The following PSD3 variants were observed in gnomAD, a reference collection of about 807,000 sequenced individuals.
PSD3 encodes the protein pleckstrin and Sec7 domain containing 3.
In PSD3, 49 loss-of-function variants were observed where a neutral mutation model predicts 105.5. That is an observed-to-expected ratio of 0.46 (90% confidence interval 0.37 to 0.59). PSD3 has a LOEUF of 0.59. Ranked by LOEUF, PSD3 falls within the 20% of genes least tolerant of loss-of-function variation. The pLI, the probability that PSD3 is intolerant of heterozygous loss-of-function variation, is 0.00. For synonymous variants in PSD3, 557 were observed against 457.8 expected (o/e 1.22, Z -2.77); for missense variants, 1,561 against 1,263.8 (o/e 1.24, Z -3.57).
chr8:18,782,406 G>A (rs1004849327), intron 8 of PSD3, among the ~76,000 whole-genome samples: 2 of 152,120 alleles, frequency 1.3e-5, no homozygotes, highest in African/African-American at 2.4e-5. Context: ...GGGAGAAGCA[G>A]TGCAGTCTCC....
At chr8:18,801,095 C>T (rs1261805068) in intron 7 of PSD3, 175 bp downstream of exon 7, 1 of 440,124 alleles carries the variant, frequency 2.3e-6, no homozygotes, top group African/African-American at 2.0e-5. Context: ...AAACAAAACT[C>T]TAATTCCAAT....
At chr8:18,821,864 CACACACACCACA>C (rs1563312629) in intron 4 of PSD3, among the ~76,000 whole-genome samples, 1,427 of 88,040 alleles carry the variant, frequency 0.016, 31 homozygotes, top group African/African-American at 0.049. Context: ...CACACACATG[CACACACACCACA>C]CACACACACA....
chr8:18,749,136 A>G (rs140935873), intron 9 of PSD3, among the ~76,000 whole-genome samples: 1 of 152,320 alleles, frequency 6.6e-6, no homozygotes, highest in Non-Finnish European at 1.5e-5. Flanking sequence ...ACTTTGATCT[A>G]GAAAAATCTG....
intron 2 of PSD3, among the ~76,000 whole-genome samples, chr8:18,914,104 C>G (rs949802145): frequency 6.6e-6 from 1 of 152,052 alleles, no homozygotes; most frequent in East Asian, 1.9e-4. Flanking sequence ...CAATAGCAAG[C>G]CTACACACAT....
At chr8:18,643,771 G>A (rs1421011832) in intron 10 of PSD3, among the ~76,000 whole-genome samples, 7 of 152,214 alleles carry the variant, frequency 4.6e-5, no homozygotes, top group African/African-American at 1.7e-4. Flanking sequence ...GGGCTTAGAC[G>A]ACCCAGCAGC....
At chr8:18,830,569 A>G (rs1813601965) in intron 4 of PSD3, among the ~76,000 whole-genome samples, 1 of 152,236 alleles carries the variant, frequency 6.6e-6, no homozygotes, top group African/African-American at 2.4e-5. Flanking sequence ...AGAGGAGCAG[A>G]TATCAGGTAT....
chr8:19,034,692 C>T (rs550369215), intron 1 of PSD3, among the ~76,000 whole-genome samples: 5 of 152,256 alleles, frequency 3.3e-5, no homozygotes, highest in Admixed American at 2.0e-4. Context: ...GCAGAAGGGA[C>T]AGAGTCTGGA....
chr8:18,615,040 A>C (rs1178842169), intron 11 of PSD3, among the ~76,000 whole-genome samples: 1 of 152,198 alleles, frequency 6.6e-6, no homozygotes, highest in Non-Finnish European at 1.5e-5. Flanking sequence ...CCTGAAATTC[A>C]ATGTTAGATA....
intron 1 of PSD3, among the ~76,000 whole-genome samples, chr8:19,045,958 C>A (rs1301246564): frequency 6.6e-6 from 1 of 152,204 alleles, no homozygotes; most frequent in Non-Finnish European, 1.5e-5. Flanking sequence ...CTGGCTATAA[C>A]CATCATCCCT....
At chr8:18,920,278 T>C (rs929379590) in intron 2 of PSD3, among the ~76,000 whole-genome samples, 3 of 152,164 alleles carry the variant, frequency 2.0e-5, no homozygotes, top group African/African-American at 7.2e-5. Context: ...ATCAACAATA[T>C]AACTGCCTAA....
rs1817453878 is a variant in PSD3, at chr8:18,872,515, C to T, written c.349G>A (p.Ala117Thr). ...VTEGPKDVREAPSQSHLKEQS... is the reference protein window; with the variant it reads ...VTEGPKDVRETPSQSHLKEQS... ...TCCTTGAGATGACTTTGAGAGGGGG[C>T]CTCTCTGACATCTTTTGGTCCTTCT... is the stretch of plus-strand genomic sequence containing the variant. The change falls in exon 3 of 16, where the codon GCC becomes ACC. Residue 117 changes from alanine (A) to threonine (T), a missense_variant. Ala to Thr is a moderately conservative substitution (Grantham distance 58). Transcript: ENST00000327040. 3 of 1,614,058 alleles carry T rather than the reference C, an allele frequency of 1.9e-6. No homozygotes were observed. The highest frequency in any genetic ancestry group is 2.2e-5 in the East Asian group (1 of 44,872).
chr8:19,068,781 G>C (rs1029314322), intron 1 of PSD3, among the ~76,000 whole-genome samples: 2 of 151,208 alleles, frequency 1.3e-5, no homozygotes, highest in African/African-American at 4.9e-5. Flanking sequence ...AAAAAGAACT[G>C]ACACTTTAGA....
intron 4 of PSD3, among the ~76,000 whole-genome samples, chr8:18,858,818 C>G (rs554216700): frequency 6.6e-6 from 1 of 152,304 alleles, no homozygotes; most frequent in East Asian, 1.9e-4. Flanking sequence ...TCCACCACAT[C>G]TGCAGTTATT....
At chr8:18,945,067 GACAC>G (rs36067698) in intron 1 of PSD3, among the ~76,000 whole-genome samples, 1 of 151,238 alleles carries the variant, frequency 6.6e-6, no homozygotes, top group Non-Finnish European at 1.5e-5. Context: ...ATTTCAGACA[GACAC>G]ACACACACAC....
intron 9 of PSD3, among the ~76,000 whole-genome samples, chr8:18,663,683 A>C (rs952908030): frequency 1.3e-5 from 2 of 152,226 alleles, no homozygotes; most frequent in Admixed American, 6.5e-5. Flanking sequence ...TAGTATGAAT[A>C]ACACTATTCT....
At chr8:18,804,332 AC>A (rs1810999502) in intron 6 of PSD3, 189 bp downstream of exon 6, 1 of 517,700 alleles carries the variant, frequency 1.9e-6, no homozygotes. Context: ...TATAACACAA[AC>A]ATCTCTAAAC....
chr8:18,704,115 T>C (rs905714066), intron 9 of PSD3, among the ~76,000 whole-genome samples: 1 of 152,236 alleles, frequency 6.6e-6, no homozygotes, highest in Non-Finnish European at 1.5e-5. Flanking sequence ...ATACATTTCT[T>C]TCCTCTCTTT....
chr8:19,041,825 C>T (rs986692349), intron 1 of PSD3, among the ~76,000 whole-genome samples: 2 of 152,102 alleles, frequency 1.3e-5, no homozygotes, highest in Non-Finnish European at 2.9e-5. Flanking sequence ...AAACCAGAAA[C>T]CTTAATTGCT....
intron 4 of PSD3, among the ~76,000 whole-genome samples, chr8:18,839,654 G>A (rs1014014160): frequency 6.6e-6 from 1 of 152,160 alleles, no homozygotes; most frequent in Non-Finnish European, 1.5e-5. Flanking sequence ...AGGTTTTGCA[G>A]CTCCAGTAGT....
Sources: allele counts gnomAD v4.1 joint callset (sites outside exome capture counted in the v4.1 genomes callset), GRCh38; gene constraint gnomAD v4.1.1; transcripts MANE v1.5; gene names NCBI Gene and HGNC (gene_info 2026-07-23, HGNC 2026-07-21).